Variants in TRIO observed in about 807,000 individuals in gnomAD.
TRIO encodes trio Rho guanine nucleotide exchange factor, also known as triple functional domain protein.
In TRIO, 58 loss-of-function variants were observed where a neutral mutation model predicts 351.9. That is an observed-to-expected ratio of 0.16 (90% CI 0.13 to 0.21). The LOEUF (loss-of-function observed/expected upper bound fraction) is 0.21. Among genes scored for constraint, TRIO ranks in the 10% least tolerant of loss-of-function variants. The pLI, the probability that TRIO is intolerant of heterozygous loss-of-function variation, is 1.00. For missense variants in TRIO, 3,201 were observed against 4,027.8 expected (o/e 0.79, Z 5.56); for synonymous variants, 1,758 against 1,595.7 (o/e 1.10, Z -2.42).
chr5:14,343,817 G>A (rs369810939), intron 11 of TRIO, among the ~76,000 whole-genome samples: 171 of 152,312 alleles, frequency 1.1e-3, no homozygotes, highest in African/African-American at 3.6e-3. Flanking sequence ...GTAAGCACAC[G>A]TTTAGTTTTT....
intron 4 of TRIO, among the ~76,000 whole-genome samples, chr5:14,290,001 G>A (rs1484844670): frequency 6.6e-6 from 1 of 152,132 alleles, no homozygotes; most frequent in African/African-American, 2.4e-5. Flanking sequence ...ATAAAACATT[G>A]CCTCTATCCT....
At chr5:14,225,800 C>CCA (rs1554036846) in intron 1 of TRIO, among the ~76,000 whole-genome samples, 2 of 136,718 alleles carry the variant, frequency 1.5e-5, no homozygotes, top group Non-Finnish European at 3.1e-5. Flanking sequence ...CCACCCCCCC[C>CCA]CCCACCTCCA....
At chr5:14,354,359 T>C (rs115328740) in intron 11 of TRIO, among the ~76,000 whole-genome samples, 1,713 of 152,342 alleles carry the variant, frequency 0.011, 22 homozygotes, top group African/African-American at 0.039. Flanking sequence ...GATATTAATT[T>C]CTATTAGTGG....
intron 16 of TRIO, among the ~76,000 whole-genome samples, chr5:14,367,432 A>T (rs1312170456): frequency 6.6e-6 from 1 of 152,168 alleles, no homozygotes; most frequent in Admixed American, 6.5e-5. Context: ...GGTGTATATC[A>T]TGAATTCACT....
chr5:14,246,692 G>T (rs1794457333), intron 1 of TRIO, among the ~76,000 whole-genome samples: 1 of 152,126 alleles, frequency 6.6e-6, no homozygotes, highest in Non-Finnish European at 1.5e-5. Context: ...CTCGCCTCCT[G>T]TTCCCTGTGG....
intron 1 of TRIO, among the ~76,000 whole-genome samples, chr5:14,201,442 G>C (rs1791103924): frequency 6.6e-6 from 1 of 152,098 alleles, no homozygotes; most frequent in African/African-American, 2.4e-5. Flanking sequence ...TCCAACACTA[G>C]TTAATTACAG....
chr5:14,455,009 G>A (rs1463892422), intron 34 of TRIO, among the ~76,000 whole-genome samples: 2 of 152,056 alleles, frequency 1.3e-5, no homozygotes, highest in Middle Eastern at 3.4e-3. Context: ...GTCCAGAGTT[G>A]TTCATTCGTC....
At chr5:14,333,579 G>A (rs958855134) in intron 10 of TRIO, among the ~76,000 whole-genome samples, 14 of 152,120 alleles carry the variant, frequency 9.2e-5, no homozygotes, top group African/African-American at 3.4e-4. Context: ...AAAGTATTTA[G>A]GCCTCAAATG....
intron 33 of TRIO, among the ~76,000 whole-genome samples, chr5:14,407,709 CAGCCT>C (rs2152381585): frequency 6.6e-6 from 1 of 152,310 alleles, no homozygotes; most frequent in East Asian, 1.9e-4. Context: ...TCTTCAGAAG[CAGCCT>C]AGAGTATCTC....
chr5:14,145,802 G>A (rs1787488853), intron 1 of TRIO, among the ~76,000 whole-genome samples: 1 of 152,128 alleles, frequency 6.6e-6, no homozygotes. Context: ...CCGAAGATTT[G>A]CTGCCTGTTG....
At chr5:14,400,926 T>C (rs199932366) in intron 30 of TRIO, 37 bp from the exon 31 acceptor site, 98 of 1,596,074 alleles carry the variant, frequency 6.1e-5, no homozygotes, top group Non-Finnish European at 6.6e-5. Flanking sequence ...TCTAGAATTT[T>C]ACTGTCACCT....
At chr5:14,369,979 G>A (rs1440921464) in intron 18 of TRIO, among the ~76,000 whole-genome samples, 1 of 152,202 alleles carries the variant, frequency 6.6e-6, no homozygotes, top group African/African-American at 2.4e-5. Flanking sequence ...CACGGCTTGT[G>A]GTGGCAGTTG....
At chr5:14,237,288 A>G (rs1793835161) in intron 1 of TRIO, among the ~76,000 whole-genome samples, 1 of 152,238 alleles carries the variant, frequency 6.6e-6, no homozygotes, top group Non-Finnish European at 1.5e-5. Flanking sequence ...TCGGCACTCA[A>G]AATATTTCAG....
intron 10 of TRIO, among the ~76,000 whole-genome samples, chr5:14,332,905 A>T (rs1003131241): frequency 1.3e-5 from 2 of 152,158 alleles, no homozygotes; most frequent in Non-Finnish European, 2.9e-5. Flanking sequence ...GATCATTCAG[A>T]TTATTCAGAT....
intron 1 of TRIO, among the ~76,000 whole-genome samples, chr5:14,258,082 C>T (rs1406475558): frequency 1.3e-5 from 2 of 152,232 alleles, no homozygotes; most frequent in Non-Finnish European, 2.9e-5. Flanking sequence ...TAACTAGACA[C>T]CTAAGTAACT....
At chr5:14,358,517 C>G (rs1030893831) in intron 12 of TRIO, among the ~76,000 whole-genome samples, 170 bp downstream of exon 12, 1 of 139,014 alleles carries the variant, frequency 7.2e-6, no homozygotes, top group Admixed American at 7.3e-5. Context: ...TCTCTCTTTT[C>G]CTTTCCCCTC....
chr5:14,280,224 A>G (rs991426102), intron 2 of TRIO, 98 bp from the exon 3 acceptor site: 2 of 1,127,318 alleles, frequency 1.8e-6, no homozygotes, highest in Non-Finnish European at 2.6e-6. Context: ...AAATTTGTGT[A>G]GTTGCTTTAG....
chr5:14,289,285 T>C lies in TRIO; in HGVS notation c.541-1431T>C, dbSNP rs1444432640. ...CTGTAATCCCAGCTACTCGGGAGGCTGAGGCAGGAGAATCACTTGAAATCG... is the reference window on the plus strand; with the variant it reads ...CTGTAATCCCAGCTACTCGGGAGGCCGAGGCAGGAGAATCACTTGAAATCG... On this transcript the variant is annotated intron_variant, in intron 4 of 56. Transcript: ENST00000344204. Among the ~76,000 whole-genome samples the C allele has an allele frequency of 2.0e-5, 3 of 152,264 alleles. No individual in the cohort carries two copies. The East Asian group carries it at 5.8e-4, about 30-fold the overall frequency.
At chr5:14,305,036 A>C (rs572588211) in intron 8 of TRIO, among the ~76,000 whole-genome samples, 2 of 152,170 alleles carry the variant, frequency 1.3e-5, no homozygotes, top group African/African-American at 2.4e-5. Flanking sequence ...GGTGTATTAC[A>C]TTATTTACTT....
Sources: allele counts gnomAD v4.1 joint callset (sites outside exome capture counted in the v4.1 genomes callset), GRCh38; gene constraint gnomAD v4.1.1; transcripts MANE v1.5; gene names NCBI Gene and HGNC (gene_info 2026-07-23, HGNC 2026-07-21).